The following AGBL4 variants were observed in gnomAD, a reference collection of about 807,000 sequenced individuals.
AGBL4 encodes the protein AGBL carboxypeptidase 4, also known as cytosolic carboxypeptidase 6.
A neutral mutation model predicts 66.4 loss-of-function variants in AGBL4; 58 were observed. That is an observed-to-expected ratio of 0.87 (90% CI 0.71 to 1.09). The LOEUF (loss-of-function observed/expected upper bound fraction) is 1.09, where lower values mean the gene tolerates loss of function less well. AGBL4 is among the 50% of genes least tolerant of loss of function. AGBL4 has a pLI of 0.00. For missense variants in AGBL4, 579 were observed against 631.0 expected, an observed-to-expected ratio of 0.92 and a Z score of 0.88; for synonymous variants, 234 against 222.9, an observed-to-expected ratio of 1.05 and a Z score of -0.44.
intron 2 of AGBL4, among the ~76,000 whole-genome samples, chr1:49,746,951 G>A (rs1307224654): frequency 6.6e-6 from 1 of 152,072 alleles, no homozygotes; most frequent in East Asian, 1.9e-4. Flanking sequence ...TTACAAGTAG[G>A]AGCAAGCACA....
chr1:49,557,738 G>T (rs555076336), intron 3 of AGBL4, among the ~76,000 whole-genome samples: 33 of 152,122 alleles, frequency 2.2e-4, no homozygotes, highest in African/African-American at 6.7e-4. Context: ...GAGTCCTATT[G>T]CTGAACTAGG....
At chr1:48,614,260 G>A (rs1207996024) in intron 9 of AGBL4, among the ~76,000 whole-genome samples, 2 of 152,184 alleles carry the variant, frequency 1.3e-5, no homozygotes, top group African/African-American at 2.4e-5. Context: ...GAAAAAAAAG[G>A]TAATAAATGC....
rs1644833732 is a variant in AGBL4 at position 48,587,049 on chromosome 1, T to C, written c.1222A>G (p.Ile408Val). 2 of 1,608,612 alleles carry C rather than the reference T, an allele frequency of 1.2e-6. No homozygotes were observed. The highest frequency in any genetic ancestry group is 1.7e-6 in the Non-Finnish European group (2 of 1,177,778). Residue 408 changes from isoleucine to valine, a missense_variant, in exon 11 of 14, where the codon ATC becomes GTC. Ile to Val is a conservative substitution (Grantham distance 29). Coordinates refer to ENST00000371839, the MANE Select transcript of AGBL4 (RefSeq NM_032785.4). ...YTLEVSFYSY[I>V]ISGTTAAVPY... The stretch of plus-strand genomic sequence containing the variant: ...ACAGCAGCCGTGGTGCCACTGATGA[T>C]GTAGCTGTAGAAGGAGACCTCTAGG...
chr1:49,376,108 C>A (rs1442149059), intron 3 of AGBL4, among the ~76,000 whole-genome samples: 4 of 152,134 alleles, frequency 2.6e-5, no homozygotes. Flanking sequence ...CTCCACCTAC[C>A]TCTGCAGCTC....
intron 4 of AGBL4, among the ~76,000 whole-genome samples, chr1:49,173,758 GGTAA>G (rs1385578621): frequency 6.6e-6 from 1 of 152,126 alleles, no homozygotes; most frequent in Non-Finnish European, 1.5e-5. Context: ...CAGTGAAGTG[GGTAA>G]GTGAACCATG....
chr1:49,446,825 G>T (rs1646167709), intron 3 of AGBL4, among the ~76,000 whole-genome samples: 1 of 152,168 alleles, frequency 6.6e-6, no homozygotes, highest in Non-Finnish European at 1.5e-5. Flanking sequence ...GGTACTACAT[G>T]ACTCCAAAGC....
chr1:48,793,952 G>T (rs1645610971), intron 6 of AGBL4, among the ~76,000 whole-genome samples: 1 of 152,170 alleles, frequency 6.6e-6, no homozygotes, highest in South Asian at 2.1e-4. Flanking sequence ...CTGCTTTGGG[G>T]ATCTACCCTT....
intron 1 of AGBL4, among the ~76,000 whole-genome samples, chr1:49,939,436 T>C (rs1228501792): frequency 2.6e-5 from 4 of 152,102 alleles, no homozygotes; most frequent in Non-Finnish European, 5.9e-5. Context: ...GGCATCACGC[T>C]ACCTGACTTC....
intron 3 of AGBL4, among the ~76,000 whole-genome samples, chr1:49,402,373 G>C (rs1456516793): frequency 6.6e-6 from 1 of 152,022 alleles, no homozygotes; most frequent in Non-Finnish European, 1.5e-5. Flanking sequence ...GGTATACTGT[G>C]TTTGCATTAT....
intron 9 of AGBL4, among the ~76,000 whole-genome samples, chr1:48,624,032 G>A (rs879641964): frequency 6.6e-6 from 1 of 152,168 alleles, no homozygotes; most frequent in East Asian, 1.9e-4. Flanking sequence ...TTTGAAACCA[G>A]TGTAAATTGA....
intron 3 of AGBL4, among the ~76,000 whole-genome samples, chr1:49,398,025 G>T (rs990117700): frequency 6.6e-6 from 1 of 152,154 alleles, no homozygotes; most frequent in African/African-American, 2.4e-5. Context: ...GTTTGTCTTG[G>T]ATACTTTTAA....
At chr1:48,694,103 C>G (rs1184418344) in intron 6 of AGBL4, among the ~76,000 whole-genome samples, 1 of 150,300 alleles carries the variant, frequency 6.7e-6, no homozygotes, top group Non-Finnish European at 1.5e-5. Flanking sequence ...TGTGGCAGCT[C>G]TCACTGGCAC....
At chr1:48,625,609 G>A (rs1410563828) in intron 9 of AGBL4, among the ~76,000 whole-genome samples, 1 of 152,176 alleles carries the variant, frequency 6.6e-6, no homozygotes. Context: ...AATTCCAGGA[G>A]ACGAGCATTG....
intron 5 of AGBL4, among the ~76,000 whole-genome samples, chr1:49,038,935 C>T (rs911057119): frequency 2.6e-5 from 4 of 152,026 alleles, no homozygotes; most frequent in Admixed American, 2.6e-4. Flanking sequence ...ACTGCCAAAA[C>T]CTAAAAGCAA....
intron 5 of AGBL4, among the ~76,000 whole-genome samples, chr1:48,976,467 C>T (rs377291388): frequency 2.6e-5 from 4 of 152,238 alleles, no homozygotes; most frequent in East Asian, 1.9e-4. Flanking sequence ...GATTTGTCCT[C>T]GCTGGAAAGT....
At chr1:49,464,783 G>A (rs1343350431) in intron 3 of AGBL4, among the ~76,000 whole-genome samples, 1 of 151,662 alleles carries the variant, frequency 6.6e-6, no homozygotes, top group African/African-American at 2.4e-5. Flanking sequence ...GAAATTCTCA[G>A]TAGCTTGAAC....
At chr1:49,263,784 T>C (rs1653465911) in intron 3 of AGBL4, among the ~76,000 whole-genome samples, 3 of 152,206 alleles carry the variant, frequency 2.0e-5, no homozygotes, top group Admixed American at 2.0e-4. Context: ...CACTTCTATG[T>C]GTTCTCCTTA....
chr1:49,714,534 T>G (rs970645088), intron 2 of AGBL4, among the ~76,000 whole-genome samples: 8 of 150,792 alleles, frequency 5.3e-5, no homozygotes, highest in Non-Finnish European at 1.2e-4. Flanking sequence ...ACAAAAGACA[T>G]GACTTTACTG....
chr1:50,016,241 T>C, intron 1 of AGBL4, among the ~76,000 whole-genome samples: 1 of 152,214 alleles, frequency 6.6e-6, no homozygotes, highest in Non-Finnish European at 1.5e-5. Context: ...AACTAAGGTC[T>C]AATATCCAGA....
Sources: allele counts gnomAD v4.1 joint callset (sites outside exome capture counted in the v4.1 genomes callset), GRCh38; gene constraint gnomAD v4.1.1; transcripts MANE v1.5; gene names NCBI Gene and HGNC (gene_info 2026-07-23, HGNC 2026-07-21).